The following MGAT4C variants were observed in gnomAD, a reference collection of about 807,000 sequenced individuals.
MGAT4C encodes the protein MGAT4 family member C, also known as alpha-1,3-mannosyl-glycoprotein 4-beta-N-acetylglucosaminyltransferase C.
MGAT4C carries 19 observed loss-of-function variants against 40.1 expected under a neutral mutation model. The observed-to-expected ratio is 0.47, with a 90% CI of 0.33 to 0.70. MGAT4C has a LOEUF of 0.70. MGAT4C is among the 30% of genes least tolerant of loss of function. The pLI, the probability that MGAT4C is intolerant of heterozygous loss-of-function variation, is 0.02. For synonymous variants in MGAT4C, 181 were observed against 187.1 expected, an observed-to-expected ratio of 0.97 and a Z score of 0.27; for missense variants, 491 against 563.2, an observed-to-expected ratio of 0.87 and a Z score of 1.30.
chr12:86,796,418 ATGGATGAACC>A (rs1565995830), intron 1 of MGAT4C, among the ~76,000 whole-genome samples: 1 of 152,040 alleles, frequency 6.6e-6, no homozygotes, highest in East Asian at 1.9e-4. Context: ...TTTTGACAAC[ATGGATGAACC>A]TGGAGGACAT....
At chr12:86,641,263 G>A (rs1470543631) in intron 2 of MGAT4C, among the ~76,000 whole-genome samples, 1 of 151,332 alleles carries the variant, frequency 6.6e-6, no homozygotes, top group African/African-American at 2.4e-5. Context: ...GTAAACTATT[G>A]CAAGAACAAA....
At chr12:86,177,108 T>C (rs1239003362) in intron 1 of MGAT4C, among the ~76,000 whole-genome samples, 1 of 151,930 alleles carries the variant, frequency 6.6e-6, no homozygotes, top group South Asian at 2.1e-4. Flanking sequence ...ATAAATGAAA[T>C]TGACCTGCAA....
chr12:86,250,845 AT>A (rs1467997365), intron 1 of MGAT4C, among the ~76,000 whole-genome samples: 1 of 152,118 alleles, frequency 6.6e-6, no homozygotes, highest in Non-Finnish European at 1.5e-5. Flanking sequence ...TACAATCAGC[AT>A]CTAGTTTCAA....
At position 86,216,761 on chromosome 12, in the gene MGAT4C, TA is replaced by T. The variant is rs531899191; in HGVS notation, c.-57+39477del. Among the ~76,000 whole-genome samples, 494 of 152,270 alleles carry T rather than the reference TA, an allele frequency of 3.2e-3. 2 individuals carry two copies. The highest frequency in any genetic ancestry group is 0.012 in the African/African-American group (480 of 41,542). On this transcript the variant is annotated intron_variant, in intron 1 of 4. Transcript: ENST00000611864. ...TTTACATGACTTGGCTAATCCTTGGTAAAAAAATATTTTGTGTTGATTAAAT... is the reference window on the plus strand; with the variant it reads ...TTTACATGACTTGGCTAATCCTTGGTAAAAAATATTTTGTGTTGATTAAAT...
chr12:86,700,064 A>ATAGATAGATAGATAGATAGG (rs1393307981), intron 2 of MGAT4C, among the ~76,000 whole-genome samples: 2 of 151,612 alleles, frequency 1.3e-5, no homozygotes, highest in South Asian at 4.2e-4. Context: ...AGATAGATAG[A>ATAGATAGATAGATAGATAGG]TAAGATAGAT....
At chr12:86,212,677 A>G (rs1355436787) in intron 1 of MGAT4C, among the ~76,000 whole-genome samples, 1 of 148,862 alleles carries the variant, frequency 6.7e-6, no homozygotes, top group African/African-American at 2.5e-5. Flanking sequence ...TCACGAGGTC[A>G]GGAGATCGAG....
chr12:86,646,922 C>T (rs1963556366), intron 2 of MGAT4C, among the ~76,000 whole-genome samples: 1 of 151,830 alleles, frequency 6.6e-6, no homozygotes, highest in Non-Finnish European at 1.5e-5. Context: ...TAGTTTGTAC[C>T]GTGCAAATTG....
chr12:86,714,525 C>T (rs1950611566), intron 2 of MGAT4C, among the ~76,000 whole-genome samples: 1 of 151,958 alleles, frequency 6.6e-6, no homozygotes, highest in African/African-American at 2.4e-5. Context: ...GTGAATAGGT[C>T]TCACAAAATC....
chr12:86,628,640 C>A (rs372500502), intron 2 of MGAT4C, among the ~76,000 whole-genome samples: 41 of 152,216 alleles, frequency 2.7e-4, no homozygotes, highest in African/African-American at 9.9e-4. Flanking sequence ...CATATACACC[C>A]AAACTAAGCT....
chr12:86,830,152 C>T (rs1952893154), intron 1 of MGAT4C, among the ~76,000 whole-genome samples: 1 of 151,422 alleles, frequency 6.6e-6, no homozygotes, highest in African/African-American at 2.4e-5. Context: ...GAGCTTGAGC[C>T]TGAGTCTCAC....
rs534647559 is a variant in MGAT4C, at chr12:86,573,871, G to T, written c.-228-138606C>A. On this transcript the variant is annotated intron_variant, in intron 2 of 7. Transcript: ENST00000548651. ...CTCATTGATTGCATATTCTTCTAAAGTTAATCACATTTCATAAGATACATT... is the reference window on the plus strand; with the variant it reads ...CTCATTGATTGCATATTCTTCTAAATTTAATCACATTTCATAAGATACATT... Among the ~76,000 whole-genome samples, 27 of 151,886 alleles carry T rather than the reference G, an allele frequency of 1.8e-4. No homozygotes were observed. In the South Asian group the frequency reaches 5.6e-3, roughly 32 times the overall value.
intron 1 of MGAT4C, among the ~76,000 whole-genome samples, chr12:86,779,812 C>T (rs1212359026): frequency 2.0e-5 from 3 of 151,972 alleles, no homozygotes; most frequent in Non-Finnish European, 4.4e-5. Flanking sequence ...ACTCAGGAGG[C>T]TGAGGCAGGA....
chr12:86,356,734 A>T (rs1020035970), intron 3 of MGAT4C, among the ~76,000 whole-genome samples: 3 of 151,926 alleles, frequency 2.0e-5, no homozygotes, highest in Admixed American at 6.6e-5. Flanking sequence ...CTAGCACTGC[A>T]GTCTGAGATC....
Position 85,979,182 on chromosome 12 carries a change from G to T in MGAT4C, c.*107C>A. The T allele has an allele frequency of 1.2e-6, 1 of 839,272 alleles. No homozygotes were observed. Among genetic ancestry groups the T allele is most frequent in the Non-Finnish European group, 1.8e-6 (1 of 550,554 alleles). The allele number at this position is 839,272 out of a possible 1,614,324, so 52.0% of individuals were successfully genotyped here. On this transcript the variant is annotated 3_prime_UTR_variant, in exon 5 of 5. Transcript: ENST00000611864. ...AATGAAAACTGCCAATGTAATTAAT[G>T]TTTCTTTTAACATATCCCATCCATT...
At chr12:86,272,944 A>G (rs1289845369) in intron 4 of MGAT4C, among the ~76,000 whole-genome samples, 1 of 152,212 alleles carries the variant, frequency 6.6e-6, no homozygotes, top group African/African-American at 2.4e-5. Context: ...TTGCCTGACA[A>G]TGACCCTCTA....
chr12:86,424,214 A>T (rs1956882022), intron 3 of MGAT4C, among the ~76,000 whole-genome samples: 1 of 152,224 alleles, frequency 6.6e-6, no homozygotes, highest in African/African-American at 2.4e-5. Context: ...ACCTATTAAC[A>T]TCTTTAAACC....
intron 2 of MGAT4C, among the ~76,000 whole-genome samples, chr12:86,617,093 T>G (rs1309712581): frequency 6.6e-6 from 1 of 152,170 alleles, no homozygotes; most frequent in African/African-American, 2.4e-5. Flanking sequence ...TAAGTCACTC[T>G]CCTCATGGAC....
intron 1 of MGAT4C, among the ~76,000 whole-genome samples, chr12:86,774,185 C>G (rs1372152197): frequency 6.6e-6 from 1 of 151,748 alleles, no homozygotes; most frequent in African/African-American, 2.4e-5. Context: ...AACTTCTGAC[C>G]TCGAGTGATC....
intron 2 of MGAT4C, among the ~76,000 whole-genome samples, chr12:86,554,361 T>C (rs2136400590): frequency 6.6e-6 from 1 of 152,334 alleles, no homozygotes; most frequent in Middle Eastern, 3.4e-3. Flanking sequence ...TAAACCATCT[T>C]CAAACCCTGA....
Sources: gnomAD v4.1 joint callset for allele counts (sites outside exome capture counted in the v4.1 genomes callset) on GRCh38, gnomAD v4.1.1 for gene constraint, MANE v1.5 for transcripts, NCBI Gene and HGNC (gene_info 2026-07-23, HGNC 2026-07-21) for gene names.